The following ARID5B variants were observed in gnomAD, a reference collection of about 807,000 sequenced individuals.
ARID5B encodes AT-rich interaction domain 5B, also known as AT-rich interactive domain-containing protein 5B.
ARID5B carries 13 observed loss-of-function variants against 97.2 expected under a neutral mutation model. The ratio of observed to expected loss-of-function variants is 0.13; its 90% CI spans 0.09 to 0.21. The LOEUF is 0.21. ARID5B is among the 10% of genes least tolerant of loss of function. The pLI, the probability that ARID5B is intolerant of heterozygous loss-of-function variation, is 1.00. For synonymous variants in ARID5B, 556 were observed against 570.3 expected (o/e 0.97, Z 0.36); for missense variants, 1,210 against 1,465.3 (o/e 0.83, Z 2.84).
At chr10:61,989,999 C>A (rs1838900552) in intron 3 of ARID5B, among the ~76,000 whole-genome samples, 1 of 152,154 alleles carries the variant, frequency 6.6e-6, no homozygotes, top group South Asian at 2.1e-4. Context: ...TGGGCAGATG[C>A]ATTAGGGAGT....
chr10:62,088,536 C>G (rs908987143), intron 9 of ARID5B, among the ~76,000 whole-genome samples: 1 of 152,152 alleles, frequency 6.6e-6, no homozygotes, highest in African/African-American at 2.4e-5. Flanking sequence ...AGCTGTTAGG[C>G]TTTGTGTTTC....
chr10:61,907,097 A>C (rs778953031), intron 2 of ARID5B, among the ~76,000 whole-genome samples: 2 of 152,222 alleles, frequency 1.3e-5, no homozygotes, highest in Non-Finnish European at 2.9e-5. Flanking sequence ...GTTTGCTAGG[A>C]CATGTGGGCT....
At chr10:61,952,557 C>G (rs1423355484) in intron 3 of ARID5B, among the ~76,000 whole-genome samples, 1 of 152,186 alleles carries the variant, frequency 6.6e-6, no homozygotes, top group Non-Finnish European at 1.5e-5. Context: ...ATCAGACTTT[C>G]CTGAAATCTC....
At chr10:61,973,400 C>A (rs1227916517) in intron 3 of ARID5B, among the ~76,000 whole-genome samples, 2 of 152,142 alleles carry the variant, frequency 1.3e-5, no homozygotes, top group Non-Finnish European at 2.9e-5. Flanking sequence ...ATCAGGGGCT[C>A]CAGGGCTCTG....
intron 7 of ARID5B, 49 bp downstream of exon 7, chr10:62,059,344 C>A: frequency 7.8e-6 from 12 of 1,547,750 alleles, no homozygotes; most frequent in Non-Finnish European, 9.8e-6. Flanking sequence ...TCTAACTTTT[C>A]CCCTCTCTTT....
chr10:61,959,941 C>T (rs1838446205), intron 3 of ARID5B, among the ~76,000 whole-genome samples: 1 of 152,154 alleles, frequency 6.6e-6, no homozygotes, highest in African/African-American at 2.4e-5. Context: ...TTTGAGGACA[C>T]TCATGAACAG....
intron 4 of ARID5B, among the ~76,000 whole-genome samples, chr10:62,031,438 C>G (rs1035691266): frequency 4.6e-5 from 7 of 152,180 alleles, no homozygotes; most frequent in African/African-American, 1.7e-4. Context: ...TTGAAAAACT[C>G]TTAAGAAGGA....
At chr10:62,069,315 A>G (rs942553975) in intron 7 of ARID5B, among the ~76,000 whole-genome samples, 7 of 152,208 alleles carry the variant, frequency 4.6e-5, no homozygotes, top group Non-Finnish European at 7.3e-5. Context: ...GTTAATGTTG[A>G]TTCATCTAAA....
intron 3 of ARID5B, among the ~76,000 whole-genome samples, chr10:61,975,216 T>C (rs926476382): frequency 6.6e-6 from 1 of 152,116 alleles, no homozygotes; most frequent in Non-Finnish European, 1.5e-5. Flanking sequence ...ACAAATGGTT[T>C]CTTGGGTGAT....
chr10:61,910,787 C>A (rs910535649), intron 2 of ARID5B, among the ~76,000 whole-genome samples: 3 of 152,150 alleles, frequency 2.0e-5, no homozygotes, highest in Non-Finnish European at 1.5e-5. Flanking sequence ...CTGTTAGCAG[C>A]GTTAAAGATG....
rs536839710 is a variant in ARID5B at position 61,973,238 on chromosome 10, G to T, written c.503-26853G>T. ...GGCGGGGGAGGGGAAAAAGGGTGGT[G>T]ACGTTCTTTTCCAGTCTCTGCTCTT... On this transcript the variant is annotated intron_variant, in intron 3 of 9. Transcript: ENST00000279873. Among the ~76,000 whole-genome samples, 11 of 152,312 alleles carry T rather than the reference G, an allele frequency of 7.2e-5. No individual in the cohort carries two copies. The South Asian group carries it at 2.1e-3, about 29-fold the overall frequency.
At chr10:61,940,463 CG>C in intron 3 of ARID5B, 55 bp downstream of exon 3, 1 of 1,466,372 alleles carries the variant, frequency 6.8e-7, no homozygotes, top group African/African-American at 1.4e-5. Context: ...AGTAACTTTT[CG>C]GTTGAAGATT....
chr10:61,939,649 T>A (rs1280322881), intron 2 of ARID5B, among the ~76,000 whole-genome samples: 1 of 152,240 alleles, frequency 6.6e-6, no homozygotes. Context: ...TGGGATTACA[T>A]CACAGTTTTA....
At chr10:62,018,629 G>A (rs556203714) in intron 4 of ARID5B, among the ~76,000 whole-genome samples, 24 of 108,066 alleles carry the variant, frequency 2.2e-4, no homozygotes, top group Middle Eastern at 6.8e-3. Flanking sequence ...CACCACTGTC[G>A]TCTTTTATGC....
intron 8 of ARID5B, among the ~76,000 whole-genome samples, chr10:62,077,529 C>A (rs1167195983): frequency 2.3e-5 from 3 of 133,090 alleles, no homozygotes; most frequent in Non-Finnish European, 3.5e-5. Context: ...TTGACCCCCC[C>A]CAAAAAAAAA....
chr10:62,054,851 C>T (rs561770028), intron 5 of ARID5B, among the ~76,000 whole-genome samples: 1 of 152,254 alleles, frequency 6.6e-6, no homozygotes, highest in East Asian at 1.9e-4. Context: ...GAGTTCTAAA[C>T]CCAGAGGTCT....
chr10:61,964,546 G>A (rs930623390), intron 3 of ARID5B, among the ~76,000 whole-genome samples: 1 of 152,124 alleles, frequency 6.6e-6, no homozygotes, highest in Non-Finnish European at 1.5e-5. Flanking sequence ...ATTTATACTA[G>A]CATCTGGCCT....
At chr10:61,950,227 T>C (rs1210923386) in intron 3 of ARID5B, among the ~76,000 whole-genome samples, 2 of 152,186 alleles carry the variant, frequency 1.3e-5, no homozygotes, top group Admixed American at 6.5e-5. Flanking sequence ...AGGGTGATCT[T>C]GAACTCCTGA....
At chr10:61,956,902 T>C (rs576367853) in intron 3 of ARID5B, among the ~76,000 whole-genome samples, 8 of 152,196 alleles carry the variant, frequency 5.3e-5, no homozygotes, top group Non-Finnish European at 1.2e-4. Flanking sequence ...ATTCCTCCAG[T>C]TATCTGTGTG....
Sources: allele counts gnomAD v4.1 joint callset (sites outside exome capture counted in the v4.1 genomes callset), GRCh38; gene constraint gnomAD v4.1.1; transcripts MANE v1.5; gene names NCBI Gene and HGNC (gene_info 2026-07-23, HGNC 2026-07-21).